Variants in NXN observed in about 807,000 individuals in gnomAD.
NXN encodes nucleoredoxin 1.
In NXN, 16 loss-of-function variants were observed where a neutral mutation model predicts 48.6. The observed-to-expected ratio is 0.33, with a 90% CI of 0.22 to 0.50. The LOEUF (loss-of-function observed/expected upper bound fraction) is 0.50, where lower values mean the gene tolerates loss of function less well. Among genes scored for constraint, NXN ranks in the 20% least tolerant of loss-of-function variants. NXN has a pLI of 0.98. For missense variants in NXN, 492 were observed against 605.5 expected, an observed-to-expected ratio of 0.81 and a Z score of 1.97; for synonymous variants, 281 against 269.6, an observed-to-expected ratio of 1.04 and a Z score of -0.41.
intron 1 of NXN, among the ~76,000 whole-genome samples, chr17:926,302 C>T (rs1229584625): frequency 6.6e-6 from 1 of 152,168 alleles, no homozygotes; most frequent in East Asian, 1.9e-4. Context: ...TCCTCCCACT[C>T]CAGCCCTCCA....
At chr17:959,771 G>A (rs1343168294) in intron 1 of NXN, among the ~76,000 whole-genome samples, 2 of 147,026 alleles carry the variant, frequency 1.4e-5, no homozygotes, top group East Asian at 4.1e-4. Context: ...TCCAGCCTGG[G>A]GAACAAGAGC....
Position 918,656 on chromosome 17 carries a change from G to A in NXN, c.360+60663C>T, listed in dbSNP as rs190393771. 6.8e-3 allele frequency among the ~76,000 whole-genome samples: 1,031 copies of A among 152,064 alleles called. 16 individuals carry two copies. Among genetic ancestry groups the A allele is most frequent in the African/African-American group, 0.022 (929 of 41,464 alleles). ...AAAAATACAAAAATTATCCAGGCGC[G>A]GTGGTGGGCGGCTGTAATCCCAGCT... is the stretch of plus-strand genomic sequence containing the variant. On this transcript the variant is annotated intron_variant, in intron 1 of 7. Coordinates refer to ENST00000336868, the MANE Select transcript of NXN (RefSeq NM_022463.5).
chr17:864,050 T>C (rs1416622157), intron 1 of NXN: 24 of 1,487,896 alleles, frequency 1.6e-5, no homozygotes, highest in Admixed American at 4.2e-5. Context: ...ACGTCTGCCA[T>C]TGCTCGGTTC....
chr17:913,501 A>C (rs73975588), intron 1 of NXN, among the ~76,000 whole-genome samples: 15,134 of 152,266 alleles, frequency 0.099, 942 homozygotes, highest in Middle Eastern at 0.24. Flanking sequence ...ACAGACAGAG[A>C]GCAACAGGCT....
At chr17:970,280 A>G (rs2069358524) in intron 1 of NXN, among the ~76,000 whole-genome samples, 1 of 152,154 alleles carries the variant, frequency 6.6e-6, no homozygotes, top group Admixed American at 6.5e-5. Context: ...TGCAAACCTC[A>G]TAAAAGGGAG....
At chr17:803,868 C>T (rs907742489) in intron 6 of NXN, 62 bp from the exon 7 acceptor site, 60 of 1,585,266 alleles carry the variant, frequency 3.8e-5, no homozygotes, top group Middle Eastern at 4.3e-4. Context: ...TCAAACAGAG[C>T]GGCACCCGCC....
At chr17:900,551 TCCTC>T (rs1156505732) in intron 1 of NXN, among the ~76,000 whole-genome samples, 1 of 152,044 alleles carries the variant, frequency 6.6e-6, no homozygotes, top group East Asian at 1.9e-4. Flanking sequence ...GGCATCAGGA[TCCTC>T]CCAGGGTGGG....
At chr17:890,007 A>C (rs770091954) in intron 1 of NXN, among the ~76,000 whole-genome samples, 2 of 152,030 alleles carry the variant, frequency 1.3e-5, no homozygotes, top group African/African-American at 4.8e-5. Context: ...GAAGAAAGAC[A>C]CCCAAAACCC....
chr17:850,256 AG>A (rs1490352963), intron 1 of NXN, among the ~76,000 whole-genome samples: 2 of 152,036 alleles, frequency 1.3e-5, no homozygotes, highest in African/African-American at 2.4e-5. Context: ...CACGAGCCCC[AG>A]GGCCTGGGGA....
At chr17:807,403 G>A (rs1597612118) in intron 5 of NXN, among the ~76,000 whole-genome samples, 1 of 152,364 alleles carries the variant, frequency 6.6e-6, no homozygotes, top group Middle Eastern at 3.4e-3. Context: ...AGAGAGGCAG[G>A]CACGGGGGAC....
chr17:910,705 A>G (rs1054611542), intron 1 of NXN: 6 of 152,206 alleles, frequency 3.9e-5, no homozygotes. Context: ...TTCTTCAAGT[A>G]ACTGTACTCC....
intron 3 of NXN, 54 bp from the exon 4 acceptor site, chr17:822,511 G>T: frequency 7.4e-7 from 1 of 1,346,836 alleles, no homozygotes; most frequent in Non-Finnish European, 1.1e-6. Context: ...CCACCTCCCA[G>T]CCACTCACCA....
At chr17:937,898 C>A (rs2068927076) in intron 1 of NXN, among the ~76,000 whole-genome samples, 2 of 152,256 alleles carry the variant, frequency 1.3e-5, no homozygotes, top group South Asian at 4.1e-4. Flanking sequence ...TAGCCCAGAG[C>A]AGCGCTCAGC....
intron 1 of NXN, among the ~76,000 whole-genome samples, chr17:898,602 C>T (rs927357923): frequency 1.4e-5 from 1 of 73,206 alleles, no homozygotes; most frequent in African/African-American, 3.1e-5. Flanking sequence ...ATGTCTCACA[C>T]CTGTAATCCC....
chr17:930,697 T>G (rs2068844046), intron 1 of NXN, among the ~76,000 whole-genome samples: 1 of 151,712 alleles, frequency 6.6e-6, no homozygotes, highest in South Asian at 2.1e-4. Flanking sequence ...GGCATAAACA[T>G]GTTATTAAAT....
intron 1 of NXN, among the ~76,000 whole-genome samples, chr17:925,818 G>A (rs540674714): frequency 2.6e-5 from 4 of 152,260 alleles, no homozygotes; most frequent in East Asian, 1.9e-4. Flanking sequence ...AAATGCTCAC[G>A]AACGTCCCTG....
At chr17:945,380 C>T (rs1414537044) in intron 1 of NXN, among the ~76,000 whole-genome samples, 1 of 152,152 alleles carries the variant, frequency 6.6e-6, no homozygotes, top group South Asian at 2.1e-4. Context: ...CTGTGCCCTG[C>T]CCCCAAGTGG....
Position 842,149 on chromosome 17 carries a change from AAAACCTGCTCGACACCCTTCCAATT to A in NXN, c.361-16096_361-16072del, listed in dbSNP as rs1162399081. On this transcript the variant is annotated intron_variant, in intron 1 of 7. Coordinates refer to ENST00000336868, the MANE Select transcript of NXN (RefSeq NM_022463.5). ...AGACTCCCTCTCAAAAACAAAACAA[AAAACCTGCTCGACACCCTTCCAATT>A]AAACCTGCTCGACATCCTTCCAGTT... Among the ~76,000 whole-genome samples the A allele has an allele frequency of 9.2e-5, 14 of 152,142 alleles. 1 individual carries two copies. Among genetic ancestry groups the A allele is most frequent in the Admixed American group, 5.9e-4 (9 of 15,272 alleles).
intron 1 of NXN, among the ~76,000 whole-genome samples, chr17:946,883 G>C (rs539747642): frequency 1.3e-5 from 2 of 152,214 alleles, no homozygotes; most frequent in African/African-American, 4.8e-5. Context: ...CTGGCACGGG[G>C]AGGTTGCAGC....
Sources: gnomAD v4.1 joint callset for allele counts (sites outside exome capture counted in the v4.1 genomes callset) on GRCh38, gnomAD v4.1.1 for gene constraint, MANE v1.5 for transcripts, NCBI Gene and HGNC (gene_info 2026-07-23, HGNC 2026-07-21) for gene names.